CHODL: variants seen among roughly 807,000 people sequenced by gnomAD.
CHODL encodes transmembrane protein MT75.
A neutral mutation model predicts 34.5 loss-of-function variants in CHODL; 29 were observed. That is an observed-to-expected ratio of 0.84 (90% CI 0.63 to 1.15). CHODL has a LOEUF of 1.15. Ranked by LOEUF, CHODL falls within the 50% of genes most tolerant of loss-of-function variation. CHODL has a pLI of 0.00. For missense variants in CHODL, 332 were observed against 332.5 expected, an observed-to-expected ratio of 1.00 and a Z score of 0.01; for synonymous variants, 125 against 116.1, an observed-to-expected ratio of 1.08 and a Z score of -0.49.
intron 2 of CHODL, among the ~76,000 whole-genome samples, chr21:18,108,165 A>G (rs1357933366): frequency 4.8e-5 from 7 of 145,128 alleles, no homozygotes; most frequent in South Asian, 2.2e-4. Context: ...TTTTTTTATC[A>G]TTTACTGTAT....
intron 2 of CHODL, among the ~76,000 whole-genome samples, chr21:18,081,318 C>T (rs2064939056): frequency 6.6e-6 from 1 of 151,936 alleles, no homozygotes; most frequent in Non-Finnish European, 1.5e-5. Context: ...AATTTGGATG[C>T]TTTTTACTTT....
chr21:18,193,439 T>C (rs1266471318), intron 2 of CHODL, among the ~76,000 whole-genome samples: 1 of 152,088 alleles, frequency 6.6e-6, no homozygotes, highest in Non-Finnish European at 1.5e-5. Context: ...CTCACACCTG[T>C]AATCCCAGCA....
intron 2 of CHODL, among the ~76,000 whole-genome samples, chr21:18,156,489 A>C (rs2073036483): frequency 6.6e-6 from 1 of 152,224 alleles, no homozygotes; most frequent in African/African-American, 2.4e-5. Context: ...GTTTTAAAAA[A>C]TAATTTTAAA....
intron 2 of CHODL, among the ~76,000 whole-genome samples, chr21:18,186,042 A>T (rs2073437379): frequency 6.6e-6 from 1 of 152,140 alleles, no homozygotes; most frequent in East Asian, 1.9e-4. Flanking sequence ...TTAATAAAGT[A>T]GGAGCTCCCT....
At chr21:18,159,125 A>C (rs77600076) in intron 2 of CHODL, among the ~76,000 whole-genome samples, 3,831 of 152,282 alleles carry the variant, frequency 0.025, 85 homozygotes, top group Non-Finnish European at 0.042. Flanking sequence ...ATCTGGAGAC[A>C]TTTTTGTCAC....
chr21:18,112,337 C>T (rs2065360809), intron 2 of CHODL, among the ~76,000 whole-genome samples: 1 of 151,950 alleles, frequency 6.6e-6, no homozygotes, highest in Non-Finnish European at 1.5e-5. Context: ...ATCTATACTA[C>T]TCAAAGCAAT....
rs112332749 is a variant in CHODL at position 18,189,367 on chromosome 21, A to G, written c.-44-67142A>G. ...AAAAAATCATTTTTTTGAATTGTGT[A>G]TGCCATATGTTGTTTGTGCTCAAAT... On this transcript the variant is annotated intron_variant, in intron 2 of 6. Coordinates refer to the CHODL transcript ENST00000400127. 7.4e-3 allele frequency among the ~76,000 whole-genome samples: 1,130 copies of G among 152,330 alleles called. 15 individuals are homozygous for G. Among genetic ancestry groups the G allele is most frequent in the African/African-American group, 0.026 (1,072 of 41,582 alleles).
At chr21:18,114,162 A>AG (rs1198000572) in intron 2 of CHODL, among the ~76,000 whole-genome samples, 1 of 152,168 alleles carries the variant, frequency 6.6e-6, no homozygotes, top group Non-Finnish European at 1.5e-5. Context: ...GGAGTTGGGG[A>AG]GGAGGTAGGG....
At chr21:18,037,024 G>A (rs2064319788) in intron 2 of CHODL, among the ~76,000 whole-genome samples, 1 of 151,904 alleles carries the variant, frequency 6.6e-6, no homozygotes, top group Non-Finnish European at 1.5e-5. Context: ...AGGTTAGTAT[G>A]CCCAATAAAG....
chr21:17,942,395 AGG>A lies in CHODL; in HGVS notation c.-145+24998_-145+24999del, dbSNP rs375484132. On this transcript the variant is annotated intron_variant, in intron 1 of 6. Transcript: ENST00000400127. ...TTTATGAGATCTGATGGTTGTATAA[AGG>A]GGAGTTTCCCTGCACAAGCTCTCTT... Among the ~76,000 whole-genome samples the A allele has an allele frequency of 7.9e-5, 12 of 152,228 alleles. No homozygotes were observed. In the East Asian group the frequency reaches 1.4e-3, roughly 17 times the overall value.
chr21:17,993,679 C>T (rs1040285334), intron 1 of CHODL, among the ~76,000 whole-genome samples: 5 of 152,132 alleles, frequency 3.3e-5, no homozygotes, highest in Admixed American at 6.5e-5. Flanking sequence ...AATGAACATA[C>T]GTGTGCATAT....
chr21:18,087,300 A>T (rs748589311), intron 2 of CHODL, among the ~76,000 whole-genome samples: 1 of 152,168 alleles, frequency 6.6e-6, no homozygotes, highest in African/African-American at 2.4e-5. Context: ...TGAGGTACTC[A>T]TAGGAGAGTC....
At chr21:18,208,928 G>C (rs1029160561) in intron 2 of CHODL, among the ~76,000 whole-genome samples, 1 of 137,648 alleles carries the variant, frequency 7.3e-6, no homozygotes, top group Admixed American at 7.8e-5. Flanking sequence ...TACACTAGCA[G>C]CTCTGTGGCC....
At chr21:18,059,584 A>G (rs1325108245) in intron 2 of CHODL, among the ~76,000 whole-genome samples, 2 of 151,490 alleles carry the variant, frequency 1.3e-5, no homozygotes, top group Non-Finnish European at 2.9e-5. Flanking sequence ...TGCTGCACAG[A>G]TCAACCCATC....
intron 2 of CHODL, among the ~76,000 whole-genome samples, chr21:18,149,803 C>A (rs1246743838): frequency 6.6e-6 from 1 of 152,160 alleles, no homozygotes; most frequent in Non-Finnish European, 1.5e-5. Context: ...TCAGTTCAGG[C>A]TACTATAGCA....
chr21:18,234,182 C>T (rs2074007913), intron 2 of CHODL, among the ~76,000 whole-genome samples: 1 of 152,106 alleles, frequency 6.6e-6, no homozygotes, highest in South Asian at 2.1e-4. Context: ...GAATGCGCTA[C>T]TTTTACTCTG....
At chr21:18,083,655 C>T (rs190488251) in intron 2 of CHODL, among the ~76,000 whole-genome samples, 46 of 152,292 alleles carry the variant, frequency 3.0e-4, no homozygotes, top group Admixed American at 1.8e-3. Flanking sequence ...GACATGGAGT[C>T]CAAGGAGATT....
chr21:18,021,707 T>C (rs2064129032), intron 1 of CHODL, among the ~76,000 whole-genome samples: 1 of 152,162 alleles, frequency 6.6e-6, no homozygotes, highest in Non-Finnish European at 1.5e-5. Flanking sequence ...AATGTTTAGA[T>C]GTTGTATAGT....
At chr21:18,008,242 C>A (rs771329323) in intron 1 of CHODL, among the ~76,000 whole-genome samples, 2 of 151,250 alleles carry the variant, frequency 1.3e-5, no homozygotes, top group Non-Finnish European at 2.9e-5. Context: ...TGTATGTATG[C>A]GTATACCCAT....
Sources: allele counts gnomAD v4.1 joint callset (sites outside exome capture counted in the v4.1 genomes callset), GRCh38; gene constraint gnomAD v4.1.1; transcripts MANE v1.5; gene names NCBI Gene and HGNC (gene_info 2026-07-23, HGNC 2026-07-21).